The following RAB27B variants were observed in gnomAD, a reference collection of about 807,000 sequenced individuals.
RAB27B encodes the protein RAB27B, member RAS oncogene family, also known as ras-related protein Rab-27B.
RAB27B carries 15 observed loss-of-function variants against 24.6 expected under a neutral mutation model. That is an observed-to-expected ratio of 0.61 (90% confidence interval 0.41 to 0.94). The LOEUF (loss-of-function observed/expected upper bound fraction) is 0.94, where lower values mean the gene tolerates loss of function less well. RAB27B is among the 40% of genes least tolerant of loss of function. The pLI, the probability that RAB27B is intolerant of heterozygous loss-of-function variation, is 0.00. For synonymous variants in RAB27B, 105 were observed against 92.5 expected (o/e 1.14, Z -0.78); for missense variants, 261 against 266.8 (o/e 0.98, Z 0.15).
intron 1 of RAB27B, among the ~76,000 whole-genome samples, chr18:54,840,137 A>G (rs1476525651): frequency 6.6e-6 from 1 of 152,178 alleles, no homozygotes; most frequent in South Asian, 2.1e-4. Context: ...CATGAAGGTA[A>G]GATTGTCTTC....
intron 2 of RAB27B, among the ~76,000 whole-genome samples, chr18:54,818,730 A>C (rs1398834262): frequency 6.6e-6 from 1 of 152,164 alleles, no homozygotes; most frequent in African/African-American, 2.4e-5. Context: ...GAGAGGTTTG[A>C]ATGCTCTATA....
chr18:54,853,104 A>T (rs912007317), intron 1 of RAB27B, among the ~76,000 whole-genome samples: 1 of 152,174 alleles, frequency 6.6e-6, no homozygotes, highest in African/African-American at 2.4e-5. Flanking sequence ...CAATTTTGAA[A>T]GTCTCTTGCA....
At chr18:54,845,405 C>A (rs200090172) in intron 1 of RAB27B, among the ~76,000 whole-genome samples, 634 of 118,778 alleles carry the variant, frequency 5.3e-3, no homozygotes, top group Middle Eastern at 0.013. Context: ...GACTCCATCT[C>A]AAAAAAAAAA....
chr18:54,887,962 T>C (rs916935561), intron 4 of RAB27B, 33 bp from the exon 5 acceptor site: 1 of 1,601,594 alleles, frequency 6.2e-7, no homozygotes, highest in South Asian at 1.1e-5. Flanking sequence ...TATTTATCAA[T>C]AACTTGCTGG....
At chr18:54,871,009 A>G (rs1241492611) in intron 1 of RAB27B, among the ~76,000 whole-genome samples, 1 of 152,256 alleles carries the variant, frequency 6.6e-6, no homozygotes, top group Non-Finnish European at 1.5e-5. Flanking sequence ...ATATAGTTTC[A>G]AAAGATGCAA....
At chr18:54,855,709 G>A (rs946409727) in intron 1 of RAB27B, among the ~76,000 whole-genome samples, 15 of 152,196 alleles carry the variant, frequency 9.9e-5, no homozygotes, top group African/African-American at 3.6e-4. Context: ...ATAGGGTTCA[G>A]TATACTATTG....
intron 1 of RAB27B, among the ~76,000 whole-genome samples, chr18:54,847,334 T>C (rs1362356740): frequency 6.6e-6 from 1 of 152,218 alleles, no homozygotes; most frequent in Admixed American, 6.5e-5. Context: ...TCTGGTAAAC[T>C]GGAAGGGGAG....
chr18:54,875,535 G>A (rs1912658305), intron 1 of RAB27B, among the ~76,000 whole-genome samples: 1 of 57,418 alleles, frequency 1.7e-5, no homozygotes, highest in Admixed American at 2.8e-4. Flanking sequence ...ATTATGCTTT[G>A]TCTAGGTTTT....
At chr18:54,834,284 A>G (rs527309467) in intron 1 of RAB27B, among the ~76,000 whole-genome samples, 1 of 152,306 alleles carries the variant, frequency 6.6e-6, no homozygotes, top group East Asian at 1.9e-4. Context: ...AATTTTGGGA[A>G]CAGTTTCATA....
chr18:54,821,526 T>A (rs1400115137), intron 2 of RAB27B, among the ~76,000 whole-genome samples: 1 of 152,150 alleles, frequency 6.6e-6, no homozygotes, highest in South Asian at 2.1e-4. Flanking sequence ...AAGCTACCAA[T>A]GACTTTCTTC....
chr18:54,800,532 A>C (rs1357318621), intron 2 of RAB27B, among the ~76,000 whole-genome samples: 9 of 152,100 alleles, frequency 5.9e-5, no homozygotes, highest in Non-Finnish European at 1.0e-4. Flanking sequence ...ATTTGCATTG[A>C]CTTCATTGTC....
chr18:54,821,805 G>A (rs1265238365), intron 2 of RAB27B, among the ~76,000 whole-genome samples: 1 of 152,202 alleles, frequency 6.6e-6, no homozygotes, highest in East Asian at 1.9e-4. Flanking sequence ...CCAGGCTGGA[G>A]TGCAATGACA....
intron 2 of RAB27B, among the ~76,000 whole-genome samples, chr18:54,799,830 C>G (rs916600390): frequency 6.6e-6 from 1 of 151,816 alleles, no homozygotes; most frequent in South Asian, 2.1e-4. Context: ...GGGTTTCACC[C>G]GTGTTAGCCA....
intron 1 of RAB27B, among the ~76,000 whole-genome samples, chr18:54,856,639 G>C (rs1911796214): frequency 6.6e-6 from 1 of 152,210 alleles, no homozygotes; most frequent in African/African-American, 2.4e-5. Flanking sequence ...TAACAGAACA[G>C]GGAATGTCAA....
chr18:54,893,519 A>C lies in RAB27B; in HGVS notation c.*4106A>C, dbSNP rs141805204. On this transcript the variant is annotated 3_prime_UTR_variant, in exon 6 of 6. Transcript: ENST00000262094. ...TGCAAAAGTTGTCTAAGAATTCACC[A>C]TGAGCTATATTTTCTTCTGGATCTT... 6.6e-6 allele frequency: 1 copy of C among 151,992 alleles called. No homozygotes were observed. The highest frequency in any genetic ancestry group is 6.6e-5 in the Admixed American group (1 of 15,210). The allele number at this position is 151,992 out of a possible 1,614,324, so 9.4% of individuals were successfully genotyped here.
chr18:54,839,526 T>G (rs1000127443), intron 1 of RAB27B, among the ~76,000 whole-genome samples: 9 of 152,162 alleles, frequency 5.9e-5, no homozygotes, highest in Non-Finnish European at 1.2e-4. Context: ...AAGGCACAAC[T>G]GAACTAGGTA....
intron 2 of RAB27B, among the ~76,000 whole-genome samples, chr18:54,806,391 A>G (rs1049570515): frequency 2.3e-4 from 34 of 150,996 alleles, no homozygotes; most frequent in Middle Eastern, 3.5e-3. Flanking sequence ...CTCTCTTTTT[A>G]TATCTTTTCA....
At chr18:54,746,291 G>C (rs574559443) in intron 2 of RAB27B, among the ~76,000 whole-genome samples, 2 of 152,086 alleles carry the variant, frequency 1.3e-5, no homozygotes, top group Non-Finnish European at 2.9e-5. Flanking sequence ...ATTGCCGGTC[G>C]GATGAGACAA....
chr18:54,774,767 T>C (rs1908663003), intron 2 of RAB27B, among the ~76,000 whole-genome samples: 1 of 152,252 alleles, frequency 6.6e-6, no homozygotes, highest in Non-Finnish European at 1.5e-5. Context: ...GCATCTTTTC[T>C]TTTTTCTTGG....
Sources: allele counts gnomAD v4.1 joint callset (sites outside exome capture counted in the v4.1 genomes callset), GRCh38; gene constraint gnomAD v4.1.1; transcripts MANE v1.5; gene names NCBI Gene and HGNC (gene_info 2026-07-23, HGNC 2026-07-21).